The following CLASP2 variants were observed in gnomAD, a reference collection of about 807,000 sequenced individuals.
CLASP2 encodes cytoplasmic linker associated protein 2.
Under a neutral mutation model 194.4 loss-of-function variants are expected in CLASP2, and 47 were observed. The observed-to-expected ratio is 0.24, with a 90% confidence interval of 0.19 to 0.31. CLASP2 has a LOEUF of 0.31. Among genes scored for constraint, CLASP2 ranks in the 10% least tolerant of loss-of-function variants. The pLI, the probability that CLASP2 is intolerant of heterozygous loss-of-function variation, is 1.00. For synonymous variants in CLASP2, 619 were observed against 633.5 expected (o/e 0.98, Z 0.34); for missense variants, 1,445 against 1,823.6 (o/e 0.79, Z 3.78).
intron 23 of CLASP2, among the ~76,000 whole-genome samples, chr3:33,581,174 T>A (rs2066052888): frequency 6.6e-6 from 1 of 152,188 alleles, no homozygotes; most frequent in African/African-American, 2.4e-5. Context: ...ACTGTACCTC[T>A]CCAGTTATCC....
chr3:33,697,372 C>T (rs752111032), intron 1 of CLASP2, among the ~76,000 whole-genome samples: 8 of 152,204 alleles, frequency 5.3e-5, no homozygotes, highest in Non-Finnish European at 1.0e-4. Flanking sequence ...TGCTCCTAGG[C>T]TACTACCTGT....
chr3:33,532,795 C>T (rs1481830036), intron 34 of CLASP2, among the ~76,000 whole-genome samples: 1 of 152,142 alleles, frequency 6.6e-6, no homozygotes, highest in African/African-American at 2.4e-5. Flanking sequence ...CCTTGAACTC[C>T]AAGCCTCAAA....
At chr3:33,574,244 A>G (rs189435993) in intron 24 of CLASP2, among the ~76,000 whole-genome samples, 12 of 152,244 alleles carry the variant, frequency 7.9e-5, no homozygotes, top group Non-Finnish European at 1.5e-4. Flanking sequence ...TTCAGTGTGA[A>G]TGACCTCATT....
chr3:33,496,891 T>TA lies in CLASP2; in HGVS notation c.*1739dup, dbSNP rs1286021061. 1 of 152,526 alleles carries TA rather than the reference T, an allele frequency of 6.6e-6. No individual in the cohort carries two copies. The highest frequency in any genetic ancestry group is 1.5e-5 in the Non-Finnish European group (1 of 68,008). The allele number at this position is 152,526 out of a possible 1,614,324, so 9.4% of individuals were successfully genotyped here. ...AAAATCTTTTCTCCTCAGATGAACTTACAAAATTCAAGAGACCACCACTGA... is the reference window on the plus strand; with the variant it reads ...AAAATCTTTTCTCCTCAGATGAACTTAACAAAATTCAAGAGACCACCACTGA... On this transcript the variant is annotated 3_prime_UTR_variant, in exon 39 of 39. Coordinates refer to ENST00000682230, the MANE Select transcript of CLASP2 (RefSeq NM_001365631.1).
chr3:33,597,775 CAG>C (rs2070864760), intron 18 of CLASP2, among the ~76,000 whole-genome samples: 1 of 138,526 alleles, frequency 7.2e-6, no homozygotes, highest in South Asian at 2.3e-4. Flanking sequence ...TTTTTTTTAA[CAG>C]AGTCTCGCCC....
At chr3:33,592,181 C>G (rs1378089138) in intron 21 of CLASP2, 1 of 704,260 alleles carries the variant, frequency 1.4e-6, no homozygotes, top group African/African-American at 1.7e-5. Context: ...AAAACATGCA[C>G]AACAACTGAT....
intron 36 of CLASP2, among the ~76,000 whole-genome samples, chr3:33,511,291 C>T (rs545736874): frequency 4.6e-5 from 7 of 152,164 alleles, no homozygotes; most frequent in Non-Finnish European, 4.4e-5. Flanking sequence ...CCTCCTGCCT[C>T]GGCCTCACAA....
At chr3:33,672,105 G>T (rs560929739) in intron 6 of CLASP2, among the ~76,000 whole-genome samples, 4 of 152,060 alleles carry the variant, frequency 2.6e-5, no homozygotes, top group African/African-American at 9.7e-5. Flanking sequence ...TCTCCCAGCA[G>T]GCAGCTGGAG....
chr3:33,686,771 T>A (rs2090729826), intron 5 of CLASP2, among the ~76,000 whole-genome samples: 1 of 152,216 alleles, frequency 6.6e-6, no homozygotes, highest in South Asian at 2.1e-4. Context: ...ACAGGTAGAC[T>A]GTAGCAGGGA....
intron 8 of CLASP2, among the ~76,000 whole-genome samples, chr3:33,643,931 G>A (rs1185019216): frequency 2.6e-5 from 4 of 151,962 alleles, no homozygotes; most frequent in African/African-American, 7.2e-5. Flanking sequence ...GGAAAGATAT[G>A]TTTTCCCAAA....
chr3:33,646,843 T>A (rs1237584640), intron 7 of CLASP2, among the ~76,000 whole-genome samples: 1 of 152,200 alleles, frequency 6.6e-6, no homozygotes, highest in Admixed American at 6.5e-5. Context: ...GTAAGTACCC[T>A]CGAGACTCCT....
intron 19 of CLASP2, among the ~76,000 whole-genome samples, chr3:33,595,423 T>A (rs1473559864): frequency 6.6e-6 from 1 of 152,066 alleles, no homozygotes; most frequent in African/African-American, 2.4e-5. Context: ...ATAAAATCTA[T>A]GACCTAGGCC....
At chr3:33,531,022 AAC>A (rs1376475402) in intron 34 of CLASP2, among the ~76,000 whole-genome samples, 2 of 152,230 alleles carry the variant, frequency 1.3e-5, no homozygotes, top group Admixed American at 1.3e-4. Context: ...AAATAGTCAC[AAC>A]AGTCTTGAAA....
chr3:33,544,652 T>C (rs1156372568), intron 31 of CLASP2, 46 bp downstream of exon 31: 1 of 1,537,374 alleles, frequency 6.5e-7, no homozygotes, highest in African/African-American at 1.4e-5. Flanking sequence ...TATTATTAAA[T>C]CAACCATCAC....
At chr3:33,612,529 C>A (rs768690621) in intron 12 of CLASP2, among the ~76,000 whole-genome samples, 3 of 152,200 alleles carry the variant, frequency 2.0e-5, no homozygotes, top group Non-Finnish European at 4.4e-5. Context: ...ACTTTCACTT[C>A]ATTCTGGCTG....
chr3:33,629,795 GAAAAAA>G (rs112417294), intron 9 of CLASP2, among the ~76,000 whole-genome samples: 2 of 140,092 alleles, frequency 1.4e-5, no homozygotes, highest in African/African-American at 2.6e-5. Flanking sequence ...ACTTTGCTAT[GAAAAAA>G]AAAAAACGAG....
chr3:33,529,080 TA>T (rs1406038060), intron 34 of CLASP2, among the ~76,000 whole-genome samples: 1 of 151,890 alleles, frequency 6.6e-6, no homozygotes, highest in Non-Finnish European at 1.5e-5. Flanking sequence ...ACAACTGCCA[TA>T]AAAAGAATAA....
chr3:33,669,665 G>T (rs2086798432), intron 6 of CLASP2, among the ~76,000 whole-genome samples: 1 of 151,126 alleles, frequency 6.6e-6, no homozygotes, highest in African/African-American at 2.4e-5. Flanking sequence ...CAGATTAAAT[G>T]GTGCTTCTCT....
intron 1 of CLASP2, among the ~76,000 whole-genome samples, chr3:33,709,861 C>G (rs759727026): frequency 6.6e-6 from 1 of 152,150 alleles, no homozygotes. Context: ...CTTAAAATAA[C>G]TTACTAAAAG....
Sources: allele counts gnomAD v4.1 joint callset (sites outside exome capture counted in the v4.1 genomes callset), GRCh38; gene constraint gnomAD v4.1.1; transcripts MANE v1.5; gene names NCBI Gene and HGNC (gene_info 2026-07-23, HGNC 2026-07-21).